BMPR1B: variants seen among roughly 807,000 people sequenced by gnomAD.
The protein encoded by BMPR1B is bone morphogenetic protein receptor type 1B, also known as bone morphogenetic protein receptor type-1B.
A neutral mutation model predicts 59.1 loss-of-function variants in BMPR1B; 12 were observed. That is an observed-to-expected ratio of 0.20 (90% CI 0.13 to 0.33). The LOEUF is 0.33. Among genes scored for constraint, BMPR1B ranks in the 10% least tolerant of loss-of-function variants. The pLI is 1.00. For synonymous variants in BMPR1B, 237 were observed against 207.3 expected, an observed-to-expected ratio of 1.14 and a Z score of -1.23; for missense variants, 550 against 610.9, an observed-to-expected ratio of 0.90 and a Z score of 1.05.
At chr4:94,797,731 T>A (rs567986248) in intron 1 of BMPR1B, among the ~76,000 whole-genome samples, 1 of 152,194 alleles carries the variant, frequency 6.6e-6, no homozygotes, top group South Asian at 2.1e-4. Flanking sequence ...AAGAAATTCT[T>A]GTGGAGTAGG....
At chr4:94,848,028 A>G (rs1483328572) in intron 1 of BMPR1B, among the ~76,000 whole-genome samples, 2 of 152,222 alleles carry the variant, frequency 1.3e-5, no homozygotes, top group African/African-American at 4.8e-5. Flanking sequence ...AAAATATTTC[A>G]TGTACTCCAT....
At chr4:94,992,613 A>G (rs1467547040) in intron 2 of BMPR1B, among the ~76,000 whole-genome samples, 1 of 152,200 alleles carries the variant, frequency 6.6e-6, no homozygotes, top group Non-Finnish European at 1.5e-5. Context: ...TTGATAAATA[A>G]TACTTCTACT....
intron 1 of BMPR1B, among the ~76,000 whole-genome samples, chr4:94,840,993 C>T (rs1252359236): frequency 6.8e-6 from 1 of 147,056 alleles, no homozygotes; most frequent in African/African-American, 2.5e-5. Context: ...ACAGGACCCT[C>T]AGCTGCAGGT....
intron 3 of BMPR1B, chr4:95,091,530 G>C: frequency 1.0e-6 from 1 of 985,256 alleles, no homozygotes; most frequent in Non-Finnish European, 1.2e-6. Flanking sequence ...ACGGTGCTGG[G>C]CTTTTTAGTG....
chr4:94,838,526 G>C (rs1249909738), intron 1 of BMPR1B, among the ~76,000 whole-genome samples: 1 of 132,722 alleles, frequency 7.5e-6, no homozygotes, highest in Non-Finnish European at 1.6e-5. Context: ...ATTTCTTCTA[G>C]ATTTTCTAGT....
At chr4:94,919,007 C>T (rs1219320976) in intron 2 of BMPR1B, among the ~76,000 whole-genome samples, 2 of 152,042 alleles carry the variant, frequency 1.3e-5, no homozygotes, top group Non-Finnish European at 2.9e-5. Flanking sequence ...TCATTTGGGT[C>T]ACATGTAGGT....
intron 2 of BMPR1B, among the ~76,000 whole-genome samples, chr4:94,898,423 ACATGATTAGATTATGGGGGCAGTTCCCC>A (rs1727672485): frequency 6.6e-6 from 1 of 152,000 alleles, no homozygotes; most frequent in African/African-American, 2.4e-5. Flanking sequence ...ACCTCATGGG[ACATGATTAGATTATGGGGGCAGTTCCCC>A]CATGCTGTTC....
intron 1 of BMPR1B, among the ~76,000 whole-genome samples, chr4:94,846,089 G>T (rs1346907138): frequency 6.6e-6 from 1 of 152,152 alleles, no homozygotes; most frequent in Non-Finnish European, 1.5e-5. Flanking sequence ...AATCAAAACA[G>T]CATGGCACTG....
At chr4:94,797,335 G>A (rs1160587333) in intron 1 of BMPR1B, among the ~76,000 whole-genome samples, 1 of 152,128 alleles carries the variant, frequency 6.6e-6, no homozygotes, top group Non-Finnish European at 1.5e-5. Flanking sequence ...ATATCAATGT[G>A]TAAGAGAGAA....
intron 1 of BMPR1B, among the ~76,000 whole-genome samples, chr4:94,823,918 T>C (rs947430516): frequency 2.0e-5 from 3 of 152,128 alleles, no homozygotes; most frequent in African/African-American, 7.2e-5. Flanking sequence ...TGGCTAATTT[T>C]TGTATTTTTA....
chr4:94,901,395 G>A (rs1727803997), intron 2 of BMPR1B, among the ~76,000 whole-genome samples: 1 of 151,926 alleles, frequency 6.6e-6, no homozygotes, highest in Admixed American at 6.6e-5. Context: ...CCTTCCTTGT[G>A]GAGAAGGAGT....
chr4:94,837,316 T>A (rs992943000), intron 1 of BMPR1B, among the ~76,000 whole-genome samples: 10 of 149,362 alleles, frequency 6.7e-5, no homozygotes, highest in Admixed American at 1.3e-4. Flanking sequence ...GGTAGCTTGA[T>A]GAGGATGGCA....
At position 95,148,793 on chromosome 4, in the gene BMPR1B, C is replaced by T; in HGVS notation, c.1122C>T (p.Thr374=). The change falls in exon 11 of 13, where the codon ACC becomes ACT. Residue 374 remains threonine, a synonymous_variant. Transcript: ENST00000515059. ...VDIPPNTRVG[T]KRYMPPEVLD... is the part of the protein sequence containing the mutation. ...TACCACCTAACACTCGAGTTGGCAC[C>T]AAACGCTATATGCCTCCAGAAGTGT... is the stretch of plus-strand genomic sequence containing the variant. The T allele has an allele frequency of 6.2e-7, 1 of 1,613,986 alleles. No homozygotes were observed. The highest frequency in any genetic ancestry group is 1.1e-5 in the South Asian group (1 of 91,084).
chr4:95,124,353 AT>A lies in BMPR1B; in HGVS notation c.446+454del, dbSNP rs899597323. ...TATTATATTAAATTCGGTAATTCCT[AT>A]TTTTTTAATGGCCTATGAACTTATG... On this transcript the variant is annotated intron_variant, in intron 7 of 12. Transcript: ENST00000515059. Among the ~76,000 whole-genome samples, 15 of 152,056 alleles carry A rather than the reference AT, an allele frequency of 9.9e-5. No individual in the cohort carries two copies. The East Asian group carries it at 2.5e-3, about 25-fold the overall frequency.
intron 1 of BMPR1B, among the ~76,000 whole-genome samples, chr4:94,772,792 T>A (rs1722231378): frequency 6.6e-6 from 1 of 152,294 alleles, no homozygotes; most frequent in East Asian, 1.9e-4. Flanking sequence ...GATTTAACGA[T>A]GTGACCTCTG....
intron 3 of BMPR1B, among the ~76,000 whole-genome samples, chr4:95,098,639 G>A (rs1398197409): frequency 6.6e-6 from 1 of 151,770 alleles, no homozygotes; most frequent in East Asian, 1.9e-4. Context: ...AGCGTTTAAG[G>A]TGAGTCTCCC....
intron 1 of BMPR1B, among the ~76,000 whole-genome samples, chr4:94,816,717 T>C (rs974096737): frequency 6.6e-6 from 1 of 152,208 alleles, no homozygotes; most frequent in Non-Finnish European, 1.5e-5. Flanking sequence ...TTCTAAAAAG[T>C]GAATTTTACA....
chr4:95,050,371 A>G (rs1726408210), intron 3 of BMPR1B, among the ~76,000 whole-genome samples: 1 of 152,222 alleles, frequency 6.6e-6, no homozygotes, highest in Non-Finnish European at 1.5e-5. Context: ...AAGGTTTCCT[A>G]CATGGTTAAA....
At chr4:95,018,440 GC>G (rs1723739207) in intron 3 of BMPR1B, among the ~76,000 whole-genome samples, 1 of 152,132 alleles carries the variant, frequency 6.6e-6, no homozygotes, top group South Asian at 2.1e-4. Flanking sequence ...TATTGCTCTA[GC>G]CCATAAAGTG....
Sources: gnomAD v4.1 joint callset for allele counts (sites outside exome capture counted in the v4.1 genomes callset) on GRCh38, gnomAD v4.1.1 for gene constraint, MANE v1.5 for transcripts, NCBI Gene and HGNC (gene_info 2026-07-23, HGNC 2026-07-21) for gene names.